The following DPYSL3 variants were observed in gnomAD, a reference collection of about 807,000 sequenced individuals.
DPYSL3 encodes the protein dihydropyrimidinase-related protein 3.
In DPYSL3, 16 loss-of-function variants were observed where a neutral mutation model predicts 66.1. The observed-to-expected ratio is 0.24, with a 90% CI of 0.16 to 0.37. The LOEUF (loss-of-function observed/expected upper bound fraction) is 0.37. Among genes scored for constraint, DPYSL3 ranks in the 10% least tolerant of loss-of-function variants. DPYSL3 has a pLI of 1.00. For missense variants in DPYSL3, 738 were observed against 916.2 expected (o/e 0.81, Z 2.51); for synonymous variants, 338 against 345.1 (o/e 0.98, Z 0.23).
At chr5:147,394,693 A>C (rs76595112) in intron 13 of DPYSL3, among the ~76,000 whole-genome samples, 1 of 150,546 alleles carries the variant, frequency 6.6e-6, no homozygotes, top group African/African-American at 2.4e-5. Context: ...AAAAAAAAAA[A>C]GGCAAAAACT....
chr5:147,474,795 C>T (rs946684214), intron 1 of DPYSL3, among the ~76,000 whole-genome samples: 1 of 152,044 alleles, frequency 6.6e-6, no homozygotes, highest in Non-Finnish European at 1.5e-5. Context: ...TATAACAATA[C>T]CATACAATTC....
At chr5:147,438,740 T>C (rs1752463035) in intron 1 of DPYSL3, among the ~76,000 whole-genome samples, 1 of 152,258 alleles carries the variant, frequency 6.6e-6, no homozygotes, top group Non-Finnish European at 1.5e-5. Context: ...GACTGAAGTT[T>C]ACAGTTACAT....
chr5:147,475,869 C>T (rs1316013106), intron 1 of DPYSL3, among the ~76,000 whole-genome samples: 1 of 152,032 alleles, frequency 6.6e-6, no homozygotes, highest in Non-Finnish European at 1.5e-5. Context: ...ATCATGATCA[C>T]AAAGTAGCAT....
chr5:147,414,721 T>C (rs964328749), intron 4 of DPYSL3, among the ~76,000 whole-genome samples: 3 of 152,232 alleles, frequency 2.0e-5, no homozygotes, highest in Admixed American at 2.0e-4. Flanking sequence ...TCTCACATTC[T>C]GTGTCACCAA....
intron 1 of DPYSL3, among the ~76,000 whole-genome samples, chr5:147,432,895 T>C (rs1213117659): frequency 6.6e-6 from 1 of 152,226 alleles, no homozygotes; most frequent in Non-Finnish European, 1.5e-5. Flanking sequence ...TCACTAAATT[T>C]TGTCTACATT....
intron 1 of DPYSL3, among the ~76,000 whole-genome samples, chr5:147,464,469 G>A (rs1256507963): frequency 6.6e-6 from 1 of 152,168 alleles, no homozygotes; most frequent in African/African-American, 2.4e-5. Context: ...TCGGGCTCAT[G>A]GGCCCAGAGT....
intron 1 of DPYSL3, among the ~76,000 whole-genome samples, chr5:147,460,794 C>T (rs1752919675): frequency 6.6e-6 from 1 of 152,154 alleles, no homozygotes; most frequent in African/African-American, 2.4e-5. Flanking sequence ...AGCTAGTTTT[C>T]AGGCTTGCAA....
intron 1 of DPYSL3, among the ~76,000 whole-genome samples, chr5:147,447,742 T>A (rs755880074): frequency 6.6e-6 from 1 of 152,122 alleles, no homozygotes; most frequent in Non-Finnish European, 1.5e-5. Flanking sequence ...TGGTGGCACA[T>A]GTCTGTAATC....
At chr5:147,479,864 G>T (rs996269553) in intron 1 of DPYSL3, among the ~76,000 whole-genome samples, 6 of 152,076 alleles carry the variant, frequency 3.9e-5, no homozygotes, top group Admixed American at 2.6e-4. Flanking sequence ...TGCATTTATT[G>T]GGCACTTGCA....
At chr5:147,497,707 TA>T (rs35494023) in intron 1 of DPYSL3, among the ~76,000 whole-genome samples, 58,939 of 146,598 alleles carry the variant, frequency 0.4, 12,123 homozygotes, top group African/African-American at 0.53. Flanking sequence ...CCATTCATGA[TA>T]AAAAAAAAAA....
At chr5:147,465,081 C>T (rs1307289917) in intron 1 of DPYSL3, among the ~76,000 whole-genome samples, 2 of 152,156 alleles carry the variant, frequency 1.3e-5, no homozygotes, top group African/African-American at 4.8e-5. Flanking sequence ...GTAATTCCAG[C>T]TACTTGGGAG....
intron 1 of DPYSL3, among the ~76,000 whole-genome samples, chr5:147,480,865 G>A (rs1430551160): frequency 6.6e-6 from 1 of 151,830 alleles, no homozygotes; most frequent in Non-Finnish European, 1.5e-5. Context: ...TGGGATTACA[G>A]GCATGTGCCA....
At chr5:147,468,207 T>C (rs1427527203) in intron 1 of DPYSL3, among the ~76,000 whole-genome samples, 1 of 152,156 alleles carries the variant, frequency 6.6e-6, no homozygotes, top group Non-Finnish European at 1.5e-5. Flanking sequence ...AAAACAATGA[T>C]TTTTAACACC....
In DPYSL3 at chr5:147,412,585, T is replaced by C. The variant is rs755432062; in HGVS notation, c.963+23A>G. 1.4e-4 allele frequency: 220 copies of C among 1,605,466 alleles called. 1 individual carries two copies. In the South Asian group the frequency reaches 2.4e-3, roughly 17 times the overall value. ...AATGGAATGCAGACCCAAAGCACGC[T>C]CCAGGGAGCTGCACGGTGTTACCTG... On this transcript the variant is annotated intron_variant, in intron 6 of 13. Transcript: ENST00000343218.
intron 1 of DPYSL3, among the ~76,000 whole-genome samples, chr5:147,503,748 G>A (rs1753647753): frequency 6.6e-6 from 1 of 152,170 alleles, no homozygotes; most frequent in South Asian, 2.1e-4. Context: ...CATTACTATA[G>A]GGACCATTTG....
chr5:147,399,655 C>A (rs1377347991), intron 10 of DPYSL3, among the ~76,000 whole-genome samples: 1 of 152,128 alleles, frequency 6.6e-6, no homozygotes, highest in Non-Finnish European at 1.5e-5. Flanking sequence ...TACAAAAGAA[C>A]CTTACCCAAA....
intron 1 of DPYSL3, among the ~76,000 whole-genome samples, chr5:147,450,920 A>T (rs1013066600): frequency 2.6e-5 from 4 of 152,198 alleles, no homozygotes; most frequent in Non-Finnish European, 5.9e-5. Context: ...TACCATTTTT[A>T]AAATGTACTA....
intron 1 of DPYSL3, among the ~76,000 whole-genome samples, chr5:147,468,662 C>T (rs1413761130): frequency 6.6e-6 from 1 of 152,020 alleles, no homozygotes; most frequent in Non-Finnish European, 1.5e-5. Flanking sequence ...AAGGTAGAAA[C>T]TATGTTTTGC....
At chr5:147,437,576 C>T (rs947045542) in intron 1 of DPYSL3, among the ~76,000 whole-genome samples, 2 of 152,166 alleles carry the variant, frequency 1.3e-5, no homozygotes, top group Non-Finnish European at 1.5e-5. Context: ...TCACACCAGG[C>T]GGCCATGAAG....
Sources: allele counts gnomAD v4.1 joint callset (sites outside exome capture counted in the v4.1 genomes callset), GRCh38; gene constraint gnomAD v4.1.1; transcripts MANE v1.5; gene names NCBI Gene and HGNC (gene_info 2026-07-23, HGNC 2026-07-21).